The following TENT5D variants were observed in gnomAD, a reference collection of about 807,000 sequenced individuals.
TENT5D encodes the protein terminal nucleotidyltransferase 5D, also known as cancer/testis antigen 112.
For missense variants in TENT5D, 191 were observed against 287.0 expected (o/e 0.67, Z 2.42); for synonymous variants, 103 against 100.6 (o/e 1.02, Z -0.15).
chrX:80,357,323 T>C lies in TENT5D; in HGVS notation c.-142+14759T>C, dbSNP rs770397604. ...AATGGTATTTCTAGTTCTAGATCCC[T>C]GAGGAATCGCCACACTGACTTCCAC... is the stretch of plus-strand genomic sequence containing the variant. On this transcript the variant is annotated intron_variant, in intron 3 of 4. Coordinates refer to the TENT5D transcript ENST00000538312. 5.6e-3 allele frequency among the ~76,000 whole-genome samples: 618 copies of C among 109,442 alleles called. 7 individuals carry two copies. The highest frequency in any genetic ancestry group is 0.02 in the African/African-American group (599 of 29,978).
chrX:80,403,553 G>A (rs912478391), intron 3 of TENT5D, among the ~76,000 whole-genome samples: 1 of 112,356 alleles, frequency 8.9e-6, no homozygotes, highest in Non-Finnish European at 1.9e-5. Flanking sequence ...ATTCTTTGTT[G>A]TGGCAAGCTT....
chrX:80,439,570 A>G (rs1202445707), intron 2 of TENT5D, among the ~76,000 whole-genome samples: 1 of 111,274 alleles, frequency 9.0e-6, no homozygotes, highest in Non-Finnish European at 1.9e-5. Context: ...TTGTACTAAT[A>G]ACACTGCATT....
chrX:80,361,984 A>G (rs1339096601), intron 3 of TENT5D, among the ~76,000 whole-genome samples: 1 of 109,606 alleles, frequency 9.1e-6, no homozygotes, highest in Non-Finnish European at 1.9e-5. Context: ...CTCTTTCTCC[A>G]TTCCCCCTTT....
chrX:80,406,194 TCTC>T (rs1931490335), intron 3 of TENT5D, among the ~76,000 whole-genome samples: 1 of 111,695 alleles, frequency 9.0e-6, no homozygotes, highest in Non-Finnish European at 1.9e-5. Flanking sequence ...GCAGAGCACC[TCTC>T]CTCCTCCAAA....
At chrX:80,425,876 A>G (rs1383049539) in intron 1 of TENT5D, among the ~76,000 whole-genome samples, 1 of 110,214 alleles carries the variant, frequency 9.1e-6, no homozygotes, top group Non-Finnish European at 1.9e-5. Context: ...AAAATACAAA[A>G]ATTAGCTGAG....
At chrX:80,386,555 TA>T (rs897600741) in intron 3 of TENT5D, among the ~76,000 whole-genome samples, 26 of 109,428 alleles carry the variant, frequency 2.4e-4, no homozygotes, top group Non-Finnish European at 3.2e-4. Context: ...TAAAGTATAA[TA>T]AAAAAAATAA....
chrX:80,416,323 C>G (rs774409477), upstream of TENT5D, among the ~76,000 whole-genome samples: 300 of 70,219 alleles, frequency 4.3e-3, no homozygotes, highest in Non-Finnish European at 7.1e-3. Flanking sequence ...ATGGTATTAT[C>G]TTCTGCTGGT....
intron 2 of TENT5D, among the ~76,000 whole-genome samples, chrX:80,341,181 G>A (rs1326386126): frequency 8.9e-6 from 1 of 112,373 alleles, no homozygotes; most frequent in Non-Finnish European, 1.9e-5. Flanking sequence ...GTATTTACCA[G>A]AAGTGGGATT....
chrX:80,362,195 G>A (rs1930421115), intron 3 of TENT5D, among the ~76,000 whole-genome samples: 1 of 109,063 alleles, frequency 9.2e-6, no homozygotes, highest in Admixed American at 9.8e-5. Flanking sequence ...ACGGAGTCTT[G>A]CTCTGTTGCC....
chrX:80,397,011 C>T (rs1220470372), intron 3 of TENT5D, among the ~76,000 whole-genome samples: 7 of 83,509 alleles, frequency 8.4e-5, no homozygotes, highest in East Asian at 4.1e-4. Context: ...CCGGACGGGG[C>T]GTCTGGCCGG....
intron 1 of TENT5D, 130 bp downstream of exon 1, chrX:80,420,693 C>A (rs372305744): frequency 8.9e-6 from 1 of 112,210 alleles, no homozygotes; most frequent in African/African-American, 3.2e-5. Flanking sequence ...AAAATTATCT[C>A]TTTCATTAAT....
chrX:80,427,331 C>T (rs1396295818), intron 1 of TENT5D, among the ~76,000 whole-genome samples: 4 of 111,759 alleles, frequency 3.6e-5, no homozygotes. Flanking sequence ...GTGAAGCAGG[C>T]AAGTTGAACA....
chrX:80,443,763 C>A, exon 3 of TENT5D: 1 of 991,441 alleles, frequency 1.0e-6, no homozygotes, highest in Non-Finnish European at 1.4e-6. Flanking sequence ...CATTTAAAAG[C>A]AAGTTTCCAA....
intron 3 of TENT5D, among the ~76,000 whole-genome samples, chrX:80,403,243 G>A (rs755535621): frequency 8.9e-6 from 1 of 112,055 alleles, no homozygotes; most frequent in East Asian, 2.8e-4. Flanking sequence ...TGCATTTCAA[G>A]TAAAAATTTA....
intron 3 of TENT5D, among the ~76,000 whole-genome samples, chrX:80,353,454 C>T (rs1930225779): frequency 9.0e-6 from 1 of 110,732 alleles, no homozygotes; most frequent in South Asian, 3.8e-4. Context: ...TCATCTAGGC[C>T]CTGGTGTCTA....
intron 3 of TENT5D, among the ~76,000 whole-genome samples, chrX:80,369,575 C>G (rs776097502): frequency 2.8e-4 from 31 of 112,228 alleles, no homozygotes; most frequent in African/African-American, 9.7e-4. Context: ...TTATCCCCAA[C>G]AGCTAATATT....
At chrX:80,411,948 T>C (rs1931677130) in intron 3 of TENT5D, among the ~76,000 whole-genome samples, 1 of 112,303 alleles carries the variant, frequency 8.9e-6, no homozygotes, top group Admixed American at 9.4e-5. Context: ...GTAAGGACTC[T>C]GTGTGGGGGC....
intron 3 of TENT5D, among the ~76,000 whole-genome samples, chrX:80,396,528 G>A (rs949795963): frequency 9.1e-6 from 1 of 110,387 alleles, no homozygotes; most frequent in African/African-American, 3.3e-5. Context: ...ATCTTGCACC[G>A]CCCTTAATCC....
chrX:80,384,808 G>A (rs911573400), intron 3 of TENT5D, among the ~76,000 whole-genome samples: 14 of 108,304 alleles, frequency 1.3e-4, no homozygotes, highest in African/African-American at 3.7e-4. Context: ...CAAATCATGA[G>A]TGAACTCCCA....
Sources: gnomAD v4.1 joint callset for allele counts (sites outside exome capture counted in the v4.1 genomes callset) on GRCh38, gnomAD v4.1.1 for gene constraint, MANE v1.5 for transcripts, NCBI Gene and HGNC (gene_info 2026-07-23, HGNC 2026-07-21) for gene names.